SPMAP2L: variants seen among roughly 807,000 people sequenced by gnomAD.
SPMAP2L encodes sperm microtubule associated protein 2 like.
the SPMAP2L span, among the ~76,000 whole-genome samples, chr4:56,560,782 G>C: frequency 6.6e-6 from 1 of 152,098 alleles, no homozygotes. Flanking sequence ...GTCTTGCTCT[G>C]TTACTCAGGC....
chr4:56,589,232 G>A, the SPMAP2L span, among the ~76,000 whole-genome samples: 13 of 152,126 alleles, frequency 8.5e-5, no homozygotes, highest in Admixed American at 2.0e-4. Flanking sequence ...CAAGTGATCT[G>A]CCCGCCTTGG....
chr4:56,542,155 T>C, the SPMAP2L span, among the ~76,000 whole-genome samples: 12 of 152,254 alleles, frequency 7.9e-5, no homozygotes, highest in African/African-American at 2.9e-4. Flanking sequence ...AGGCTCTGTT[T>C]GCCTGGCGGC....
the SPMAP2L span, chr4:56,531,230 G>T: frequency 6.8e-7 from 1 of 1,471,434 alleles, no homozygotes; most frequent in Middle Eastern, 1.8e-4. Context: ...TTCCCCACGC[G>T]CTGAGCACCC....
chr4:56,574,390 G>A, the SPMAP2L span, among the ~76,000 whole-genome samples: 2 of 151,896 alleles, frequency 1.3e-5, no homozygotes, highest in African/African-American at 4.8e-5. Flanking sequence ...CTGCACTTCA[G>A]CCTGGGCAAT....
At chr4:56,612,313 T>C in the SPMAP2L span, among the ~76,000 whole-genome samples, 1 of 152,216 alleles carries the variant, frequency 6.6e-6, no homozygotes, top group Admixed American at 6.5e-5. Context: ...GACATGTTAA[T>C]ATATACTAAA....
chr4:56,587,484 C>T, the SPMAP2L span, among the ~76,000 whole-genome samples: 7 of 148,804 alleles, frequency 4.7e-5, no homozygotes, highest in East Asian at 1.2e-3. Context: ...CTCTTCCCCC[C>T]CAAGTCCTCA....
At chr4:56,553,371 T>C in the SPMAP2L span, among the ~76,000 whole-genome samples, 1 of 151,786 alleles carries the variant, frequency 6.6e-6, no homozygotes, top group African/African-American at 2.4e-5. Context: ...TTAAATTTTT[T>C]TGTGGAGACG....
the SPMAP2L span, chr4:56,593,705 G>A: frequency 6.3e-7 from 1 of 1,593,156 alleles, no homozygotes; most frequent in Non-Finnish European, 8.6e-7. Context: ...AAGAATGGTG[G>A]GGGCAACAAG....
the SPMAP2L span, among the ~76,000 whole-genome samples, chr4:56,534,160 C>G: frequency 2.6e-5 from 4 of 152,142 alleles, no homozygotes; most frequent in African/African-American, 9.7e-5. Flanking sequence ...CTCTTTCCCC[C>G]TTTTTCCCCC....
chr4:56,547,699 C>G, the SPMAP2L span, among the ~76,000 whole-genome samples: 1 of 152,190 alleles, frequency 6.6e-6, no homozygotes, highest in Non-Finnish European at 1.5e-5. Flanking sequence ...AGCGCACCCA[C>G]TTTTCTTTAC....
chr4:56,579,113 C>T, the SPMAP2L span, among the ~76,000 whole-genome samples: 1 of 151,916 alleles, frequency 6.6e-6, no homozygotes, highest in Non-Finnish European at 1.5e-5. Flanking sequence ...CCAACTATAT[C>T]TAACACATGT....
chr4:56,558,932 A>C, the SPMAP2L span, among the ~76,000 whole-genome samples: 4 of 151,702 alleles, frequency 2.6e-5, no homozygotes, highest in African/African-American at 9.7e-5. Flanking sequence ...ACCTCTACCC[A>C]CTACTTCTTT....
the SPMAP2L span, among the ~76,000 whole-genome samples, chr4:56,618,470 G>T: frequency 6.6e-6 from 1 of 152,282 alleles, no homozygotes; most frequent in South Asian, 2.1e-4. Flanking sequence ...CTTCAGGGCT[G>T]GGGAGGCCTC....
the SPMAP2L span, chr4:56,593,385 T>G: frequency 7.7e-7 from 1 of 1,296,816 alleles, no homozygotes; most frequent in East Asian, 2.3e-5. Flanking sequence ...GAGTCCTCAT[T>G]GAGCTGAAGT....
At chr4:56,586,433 G>A in the SPMAP2L span, among the ~76,000 whole-genome samples, 1 of 152,026 alleles carries the variant, frequency 6.6e-6, no homozygotes, top group African/African-American at 2.4e-5. Flanking sequence ...TATTATGGGG[G>A]CTCCAGTCTC....
the SPMAP2L span, chr4:56,531,250 C>G: frequency 6.9e-6 from 10 of 1,440,058 alleles, no homozygotes; most frequent in Non-Finnish European, 9.1e-6. Flanking sequence ...CACGCCCCAT[C>G]TAGAACCGGG....
At chr4:56,613,891 C>T in the SPMAP2L span, among the ~76,000 whole-genome samples, 1 of 152,234 alleles carries the variant, frequency 6.6e-6, no homozygotes, top group Non-Finnish European at 1.5e-5. Flanking sequence ...GCTAACCTCT[C>T]TAGGCTTCAA....
chr4:56,539,360 C>T, the SPMAP2L span, among the ~76,000 whole-genome samples: 2 of 152,160 alleles, frequency 1.3e-5, no homozygotes, highest in Non-Finnish European at 2.9e-5. Flanking sequence ...ACTGGAGTAT[C>T]CTACAGGACA....
the SPMAP2L span, among the ~76,000 whole-genome samples, chr4:56,533,783 C>CAA: frequency 0.18 from 24,054 of 135,964 alleles, 2,533 homozygotes; most frequent in East Asian, 0.5. Flanking sequence ...CTCCTTTCTA[C>CAA]AAAAAAAAAA....
Sources: gnomAD v4.1 joint callset for allele counts (sites outside exome capture counted in the v4.1 genomes callset) on GRCh38, gnomAD v4.1.1 for gene constraint, MANE v1.5 for transcripts, NCBI Gene and HGNC (gene_info 2026-07-23, HGNC 2026-07-21) for gene names.